The following KIN variants were observed in gnomAD, a reference collection of about 807,000 sequenced individuals.
KIN encodes the protein Kin17 DNA and RNA binding protein, also known as DNA/RNA-binding protein KIN17.
A neutral mutation model predicts 63.0 loss-of-function variants in KIN; 47 were observed. The observed-to-expected ratio is 0.75, with a 90% CI of 0.59 to 0.95. The LOEUF (loss-of-function observed/expected upper bound fraction) is 0.95. Ranked by LOEUF, KIN falls within the 40% of genes least tolerant of loss-of-function variation. The pLI is 0.00. For missense variants in KIN, 408 were observed against 460.9 expected (o/e 0.89, Z 1.05); for synonymous variants, 160 against 157.7 (o/e 1.01, Z -0.11).
rs781277096 is a variant in KIN at position 7,753,863 on chromosome 10, C to A, written c.*2217G>T. The A allele has an allele frequency of 2.6e-5, 8 of 302,744 alleles. No individual in the cohort carries two copies. The highest frequency in any genetic ancestry group is 5.4e-5 in the Non-Finnish European group (8 of 149,084). 18.8% of individuals were successfully genotyped at this position (302,744 alleles called of 1,614,324 possible). A position where few individuals can be genotyped will look rare whatever the true frequency, so the allele number is the denominator to read the frequency against. On this transcript the variant is annotated 3_prime_UTR_variant, in exon 13 of 13. Transcript: ENST00000379562. ...CTGCCTCTTACATTTCTGCTAACAG[C>A]ATACGTTCTCCCATCTTCTGAGAAT...
intron 12 of KIN, among the ~76,000 whole-genome samples, chr10:7,757,614 CAAT>C (rs1588468783): frequency 6.6e-6 from 1 of 152,052 alleles, no homozygotes; most frequent in South Asian, 2.1e-4. Flanking sequence ...ATGATGATGA[CAAT>C]GATGATGACT....
At chr10:7,756,916 T>C (rs1220342174) in intron 12 of KIN, among the ~76,000 whole-genome samples, 2 of 152,200 alleles carry the variant, frequency 1.3e-5, no homozygotes, top group Non-Finnish European at 2.9e-5. Context: ...AGATATTTTC[T>C]ATCACAAAAG....
intron 5 of KIN, among the ~76,000 whole-genome samples, chr10:7,776,293 C>G (rs149381552): frequency 0.013 from 1,875 of 148,988 alleles, 44 homozygotes; most frequent in African/African-American, 0.044. Flanking sequence ...GTAATCCTAG[C>G]ACTTTGCGAG....
At position 7,751,267 on chromosome 10, in the gene KIN, T is replaced by C. The variant is rs1386298596; in HGVS notation, c.*4813A>G. On this transcript the variant is annotated 3_prime_UTR_variant, in exon 13 of 13. Coordinates refer to ENST00000379562, the MANE Select transcript of KIN (RefSeq NM_012311.4). The stretch of plus-strand genomic sequence containing the variant: ...AAAGCTTTTTAAAGGCACATTTTTA[T>C]GAATCTTCCTTTCCATAATCTGGTA... The C allele has an allele frequency of 6.6e-6, 1 of 152,252 alleles. No individual in the cohort carries two copies. Among genetic ancestry groups the C allele is most frequent in the Admixed American group, 6.5e-5 (1 of 15,286 alleles). The allele number at this position is 152,252 out of a possible 1,614,324, so 9.4% of individuals were successfully genotyped here. A position where few individuals can be genotyped will look rare whatever the true frequency, so the allele number is the denominator to read the frequency against.
intron 12 of KIN, among the ~76,000 whole-genome samples, chr10:7,756,556 T>C (rs985301304): frequency 2.0e-5 from 3 of 152,156 alleles, no homozygotes; most frequent in African/African-American, 7.2e-5. Context: ...GCCTGCCCAG[T>C]GCACACAGAC....
intron 1 of KIN, among the ~76,000 whole-genome samples, chr10:7,783,941 A>G (rs1835948256): frequency 6.6e-6 from 1 of 152,156 alleles, no homozygotes; most frequent in Admixed American, 6.6e-5. Context: ...GACACCGTCC[A>G]GATTTCCACA....
intron 7 of KIN, among the ~76,000 whole-genome samples, chr10:7,773,339 G>A (rs1588479966): frequency 6.6e-6 from 1 of 152,304 alleles, no homozygotes; most frequent in South Asian, 2.1e-4. Context: ...TACAAGGGAG[G>A]TCAATTGGGG....
At chr10:7,765,937 C>T (rs1303564980) in intron 9 of KIN, 116 bp downstream of exon 9, 9 of 617,976 alleles carry the variant, frequency 1.5e-5, no homozygotes, top group Admixed American at 3.2e-5. Context: ...TTATAACTAA[C>T]TCTATCTATA....
chr10:7,785,227 G>A (rs1000099604), intron 1 of KIN, among the ~76,000 whole-genome samples: 1 of 150,564 alleles, frequency 6.6e-6, no homozygotes, highest in Non-Finnish European at 1.5e-5. Context: ...ACACGAGCCT[G>A]GGCTACCAAT....
intron 8 of KIN, 129 bp from the exon 9 acceptor site, chr10:7,766,232 A>C: frequency 1.8e-6 from 1 of 544,162 alleles, no homozygotes; most frequent in South Asian, 2.8e-5. Context: ...CAATGACATA[A>C]TTTGCGAGCT....
rs1564314547 is a variant in KIN at position 7,760,040 on chromosome 10, T to C, written c.1019-50A>G. On this transcript the variant is annotated intron_variant, in intron 11 of 12. Transcript: ENST00000379562. ...TTAATGTGAAGAAATATCTCCACTTTTCTTCTAACTTGTTACAGCAAAATG... is the reference window on the plus strand; with the variant it reads ...TTAATGTGAAGAAATATCTCCACTTCTCTTCTAACTTGTTACAGCAAAATG... 3.4e-6 allele frequency: 3 copies of C among 883,744 alleles called. No individual in the cohort carries two copies. The East Asian group carries it at 7.8e-5, about 23-fold the overall frequency. 54.7% of individuals were successfully genotyped at this position (883,744 alleles called of 1,614,324 possible).
intron 10 of KIN, 86 bp from the exon 11 acceptor site, chr10:7,762,642 A>G (rs1457110157): frequency 1.5e-6 from 1 of 645,430 alleles, no homozygotes; most frequent in Non-Finnish European, 2.6e-6. Context: ...ATGAAGACAA[A>G]TAAAATATCA....
At chr10:7,768,590 G>T (rs999101130) in intron 8 of KIN, among the ~76,000 whole-genome samples, 1 of 151,940 alleles carries the variant, frequency 6.6e-6, no homozygotes, top group East Asian at 1.9e-4. Context: ...GAGGTGCTAA[G>T]CGGAAGTCAA....
intron 12 of KIN, among the ~76,000 whole-genome samples, chr10:7,756,882 A>T (rs1835342185): frequency 6.6e-6 from 1 of 152,222 alleles, no homozygotes; most frequent in Admixed American, 6.5e-5. Context: ...ACAAAAAGGG[A>T]AAGAGGAAAA....
intron 1 of KIN, among the ~76,000 whole-genome samples, chr10:7,784,274 T>C (rs1588489385): frequency 6.6e-6 from 1 of 152,128 alleles, no homozygotes; most frequent in South Asian, 2.1e-4. Context: ...CCCAAAAAAA[T>C]TGCATCTCAG....
chr10:7,771,334 C>G (rs1251507299), intron 7 of KIN, among the ~76,000 whole-genome samples: 1 of 152,180 alleles, frequency 6.6e-6, no homozygotes, highest in Non-Finnish European at 1.5e-5. Context: ...ACTTCCTCGT[C>G]TCATGTTCAC....
At chr10:7,776,889 C>A (rs11255359) in intron 5 of KIN, among the ~76,000 whole-genome samples, 1 of 149,820 alleles carries the variant, frequency 6.7e-6, no homozygotes, top group Non-Finnish European at 1.5e-5. Flanking sequence ...AGCCCCCCAT[C>A]TCTATTAAAA....
At chr10:7,767,727 C>T (rs1011386016) in intron 8 of KIN, among the ~76,000 whole-genome samples, 3 of 151,940 alleles carry the variant, frequency 2.0e-5, no homozygotes, top group African/African-American at 4.8e-5. Flanking sequence ...GGCATGGTGG[C>T]GGGTGCCTGT....
intron 4 of KIN, 114 bp downstream of exon 4, chr10:7,779,942 G>A (rs879872992): frequency 5.2e-5 from 52 of 993,552 alleles, no homozygotes; most frequent in Non-Finnish European, 7.3e-5. Flanking sequence ...CAACTAACAC[G>A]ATGAAAAAGC....
Sources: allele counts gnomAD v4.1 joint callset (sites outside exome capture counted in the v4.1 genomes callset), GRCh38; gene constraint gnomAD v4.1.1; transcripts MANE v1.5; gene names NCBI Gene and HGNC (gene_info 2026-07-23, HGNC 2026-07-21).